The following WDR26 variants were observed in gnomAD, a reference collection of about 807,000 sequenced individuals.
The protein encoded by WDR26 is WD repeat-containing protein 26.
In WDR26, 5 loss-of-function variants were observed where a neutral mutation model predicts 84.1. That is an observed-to-expected ratio of 0.06 (90% CI 0.03 to 0.13). WDR26 has a LOEUF of 0.13. Among genes scored for constraint, WDR26 ranks in the 10% least tolerant of loss-of-function variants. The pLI is 1.00. For synonymous variants in WDR26, 415 were observed against 389.6 expected (o/e 1.07, Z -0.77); for missense variants, 642 against 974.9 (o/e 0.66, Z 4.55).
Position 224,388,654 on chromosome 1 carries a change from T to C in WDR26, c.*1181A>G, listed in dbSNP as rs1423434406. The C allele has an allele frequency of 6.6e-6, 1 of 152,626 alleles. No individual in the cohort carries two copies. The highest frequency in any genetic ancestry group is 1.5e-5 in the Non-Finnish European group (1 of 68,030). The allele number at this position is 152,626 out of a possible 1,614,324, so 9.5% of individuals were successfully genotyped here. On this transcript the variant is annotated 3_prime_UTR_variant, in exon 14 of 14. Coordinates refer to ENST00000414423, the MANE Select transcript of WDR26 (RefSeq NM_001379403.1). ...TATGTATCCCTATATGTCAAAATAT[T>C]AAGGGCAATTAAGAAAAATGACTAT...
intron 7 of WDR26, 113 bp from the exon 8 acceptor site, chr1:224,404,683 T>C: frequency 7.6e-7 from 1 of 1,309,136 alleles, no homozygotes; most frequent in African/African-American, 1.5e-5. Context: ...TCTGAGGAAA[T>C]TTTCAGACCA....
At chr1:224,409,842 G>A (rs1425034581) in intron 7 of WDR26, among the ~76,000 whole-genome samples, 2 of 151,156 alleles carry the variant, frequency 1.3e-5, no homozygotes, top group African/African-American at 4.9e-5. Flanking sequence ...CACCCTGGGG[G>A]ACATAGTGAG....
intron 4 of WDR26, among the ~76,000 whole-genome samples, chr1:224,420,878 G>A (rs1342786304): frequency 1.3e-5 from 2 of 152,070 alleles, no homozygotes; most frequent in Non-Finnish European, 2.9e-5. Flanking sequence ...GATTACAGGC[G>A]TGTGCCACCG....
chr1:224,405,927 A>T (rs1673537490), intron 7 of WDR26, among the ~76,000 whole-genome samples: 1 of 152,254 alleles, frequency 6.6e-6, no homozygotes, highest in African/African-American at 2.4e-5. Flanking sequence ...AACAATGTGG[A>T]AGATGAATCA....
At chr1:224,416,223 TTTTC>T (rs538118605) in intron 6 of WDR26, among the ~76,000 whole-genome samples, 15 of 152,122 alleles carry the variant, frequency 9.9e-5, no homozygotes, top group East Asian at 7.7e-4. Context: ...TGAACTGCTT[TTTTC>T]TTTCTTTTTT....
At chr1:224,392,873 A>T (rs1301041942) in intron 13 of WDR26, among the ~76,000 whole-genome samples, 6 of 152,052 alleles carry the variant, frequency 3.9e-5, no homozygotes, top group African/African-American at 1.4e-4. Flanking sequence ...GAATCACTTA[A>T]CTGAGAGCAA....
intron 6 of WDR26, among the ~76,000 whole-genome samples, chr1:224,414,801 G>A (rs748506140): frequency 7.7e-5 from 10 of 129,302 alleles, no homozygotes; most frequent in Non-Finnish European, 1.4e-4. Context: ...GCAACACAGT[G>A]AGCAACCCCA....
chr1:224,398,430 G>A (rs983426514), intron 11 of WDR26, 85 bp downstream of exon 11: 1 of 1,331,652 alleles, frequency 7.5e-7, no homozygotes, highest in East Asian at 2.4e-5. Context: ...AGAAAATTTT[G>A]TTAATATAAA....
chr1:224,397,946 G>T, intron 12 of WDR26, 151 bp downstream of exon 12: 2 of 905,764 alleles, frequency 2.2e-6, no homozygotes, highest in Middle Eastern at 3.4e-4. Flanking sequence ...AGGGGCTTAG[G>T]TCATTACAGA....
intron 7 of WDR26, among the ~76,000 whole-genome samples, chr1:224,409,743 G>A (rs1163590550): frequency 2.0e-5 from 3 of 151,712 alleles, no homozygotes; most frequent in East Asian, 1.9e-4. Flanking sequence ...CCTGCCTGTA[G>A]TCCCAGCTAG....
At chr1:224,404,286 T>C in intron 8 of WDR26, 144 bp downstream of exon 8, 2 of 923,698 alleles carry the variant, frequency 2.2e-6, no homozygotes, top group Non-Finnish European at 1.5e-6. Context: ...TCTGGAAACT[T>C]GGGTTCCACT....
intron 6 of WDR26, among the ~76,000 whole-genome samples, chr1:224,415,720 C>T (rs1339679339): frequency 6.6e-6 from 1 of 152,102 alleles, no homozygotes; most frequent in African/African-American, 2.4e-5. Flanking sequence ...CTCGGCCCCC[C>T]AAATACTGGG....
intron 1 of WDR26, among the ~76,000 whole-genome samples, chr1:224,432,649 C>T (rs1360338955): frequency 4.6e-5 from 7 of 152,224 alleles, no homozygotes. Flanking sequence ...ACTTGTGCCA[C>T]TTTTAAAAAG....
intron 13 of WDR26, among the ~76,000 whole-genome samples, chr1:224,390,392 T>G (rs1673091473): frequency 6.6e-6 from 1 of 152,206 alleles, no homozygotes; most frequent in Non-Finnish European, 1.5e-5. Flanking sequence ...AATGTTGGGA[T>G]TATAAGGCAC....
At chr1:224,406,730 G>A (rs1242109289) in intron 7 of WDR26, among the ~76,000 whole-genome samples, 6 of 152,024 alleles carry the variant, frequency 3.9e-5, no homozygotes, top group Admixed American at 1.3e-4. Context: ...AAGTCTTCCT[G>A]ACTAGCTCAA....
Position 224,388,609 on chromosome 1 carries a change from G to GA in WDR26, c.*1225dup, listed in dbSNP as rs1673039745. 1 of 152,440 alleles carries GA rather than the reference G, an allele frequency of 6.6e-6. No homozygotes were observed. The highest frequency in any genetic ancestry group is 2.1e-4 in the South Asian group (1 of 4,826). The allele number at this position is 152,440 out of a possible 1,614,324, so 9.4% of individuals were successfully genotyped here. ...GTATGGCAATATCTGAAAAAACTGA[G>GA]AAAAAATATTCTTTAAATTTATGTA... On this transcript the variant is annotated 3_prime_UTR_variant, in exon 14 of 14. Transcript: ENST00000414423.
At chr1:224,432,191 T>C (rs1003423991) in intron 1 of WDR26, among the ~76,000 whole-genome samples, 1 of 152,252 alleles carries the variant, frequency 6.6e-6, no homozygotes, top group Non-Finnish European at 1.5e-5. Context: ...AGTTAAGAGC[T>C]TATATATCCA....
intron 3 of WDR26, chr1:224,429,839 C>T (rs1026831371): frequency 3.3e-5 from 5 of 152,194 alleles, no homozygotes; most frequent in South Asian, 4.1e-4. Context: ...TAATCGAAAT[C>T]CAATACAGAA....
In WDR26 at chr1:224,401,013, C is replaced by T; in HGVS notation, c.1656G>A (p.Val552=). ...AGCGCTTCCCATCTGGATTCCAAGC[C>T]ACACTTGTCAAACTGTCTTCATGAG... The change falls in exon 9 of 14, where the codon GTG becomes GTA. Residue 552 remains valine, a synonymous_variant. Coordinates refer to ENST00000414423, the MANE Select transcript of WDR26 (RefSeq NM_001379403.1). 6.2e-7 allele frequency: 1 copy of T among 1,614,128 alleles called. No homozygotes were observed. Among genetic ancestry groups the T allele is most frequent in the Non-Finnish European group, 8.5e-7 (1 of 1,179,994 alleles).
Sources: allele counts gnomAD v4.1 joint callset (sites outside exome capture counted in the v4.1 genomes callset), GRCh38; gene constraint gnomAD v4.1.1; transcripts MANE v1.5; gene names NCBI Gene and HGNC (gene_info 2026-07-23, HGNC 2026-07-21).